KCNMB2: variants seen among roughly 807,000 people sequenced by gnomAD.
KCNMB2 encodes the protein calcium-activated potassium channel subunit beta-2.
Under a neutral mutation model 24.5 loss-of-function variants are expected in KCNMB2, and 9 were observed. The ratio of observed to expected loss-of-function variants is 0.37; its 90% confidence interval spans 0.22 to 0.64. The LOEUF (loss-of-function observed/expected upper bound fraction) is 0.64, where lower values mean the gene tolerates loss of function less well. Ranked by LOEUF, KCNMB2 falls within the 30% of genes least tolerant of loss-of-function variation. KCNMB2 has a pLI of 0.63. For missense variants in KCNMB2, 226 were observed against 284.3 expected, an observed-to-expected ratio of 0.79 and a Z score of 1.47; for synonymous variants, 109 against 104.4, an observed-to-expected ratio of 1.04 and a Z score of -0.27.
chr3:178,568,894 AGATAGATG>A (rs779149808), intron 1 of KCNMB2, among the ~76,000 whole-genome samples: 6,042 of 127,160 alleles, frequency 0.048, 160 homozygotes, highest in Middle Eastern at 0.083. Context: ...ATAGATAGAT[AGATAGATG>A]GATAGATAGA....
intron 1 of KCNMB2, among the ~76,000 whole-genome samples, chr3:178,806,649 C>G (rs1330475422): frequency 9.9e-5 from 15 of 150,886 alleles, no homozygotes. Context: ...TAGTGCTGTG[C>G]TTAGAGAGGA....
chr3:178,563,285 A>G (rs1716389638), intron 1 of KCNMB2, among the ~76,000 whole-genome samples: 1 of 152,262 alleles, frequency 6.6e-6, no homozygotes. Flanking sequence ...AAGCACCTAA[A>G]GTAGTATCTG....
chr3:178,672,040 G>A (rs1047097717), intron 1 of KCNMB2, among the ~76,000 whole-genome samples: 3 of 152,072 alleles, frequency 2.0e-5, no homozygotes, highest in Non-Finnish European at 2.9e-5. Flanking sequence ...CAAACTACTG[G>A]AGACTCTTGG....
At chr3:178,571,447 G>GATATATAT (rs71181237) in intron 1 of KCNMB2, among the ~76,000 whole-genome samples, 1,493 of 90,474 alleles carry the variant, frequency 0.017, 37 homozygotes, top group Non-Finnish European at 0.022. Context: ...TTTCCTTATG[G>GATATATAT]ATATATATAT....
At chr3:178,793,274 A>G (rs1371426520) in intron 1 of KCNMB2, among the ~76,000 whole-genome samples, 2 of 152,220 alleles carry the variant, frequency 1.3e-5, no homozygotes, top group African/African-American at 4.8e-5. Context: ...AATTGCAGAC[A>G]GTTGATGATG....
intron 1 of KCNMB2, among the ~76,000 whole-genome samples, chr3:178,677,475 C>T (rs77373434): frequency 0.016 from 2,423 of 152,290 alleles, 68 homozygotes; most frequent in African/African-American, 0.056. Context: ...CTCTCTTCAT[C>T]GTCAGCCCTC....
At chr3:178,659,952 A>C (rs756439295) in intron 1 of KCNMB2, among the ~76,000 whole-genome samples, 4 of 152,164 alleles carry the variant, frequency 2.6e-5, no homozygotes, top group Non-Finnish European at 5.9e-5. Context: ...CAGCAAATGG[A>C]AAATGGTGTT....
At chr3:178,821,483 TG>T (rs753647845) in intron 2 of KCNMB2, among the ~76,000 whole-genome samples, 9 of 152,046 alleles carry the variant, frequency 5.9e-5, no homozygotes, top group African/African-American at 1.2e-4. Flanking sequence ...TGATAATTTT[TG>T]TTTTACAAAA....
At chr3:178,808,842 C>T (rs1430456826) in intron 2 of KCNMB2, among the ~76,000 whole-genome samples, 1 of 152,090 alleles carries the variant, frequency 6.6e-6, no homozygotes, top group Non-Finnish European at 1.5e-5. Flanking sequence ...GCTCTGCTTT[C>T]CAAATGCTTT....
chr3:178,768,421 TA>T (rs1712211454), intron 1 of KCNMB2, among the ~76,000 whole-genome samples: 1 of 152,166 alleles, frequency 6.6e-6, no homozygotes, highest in African/African-American at 2.4e-5. Flanking sequence ...AAGTGAAGAC[TA>T]TACATGATAA....
At chr3:178,822,839 C>G (rs777295311) in intron 2 of KCNMB2, among the ~76,000 whole-genome samples, 3 of 152,214 alleles carry the variant, frequency 2.0e-5, no homozygotes, top group African/African-American at 2.4e-5. Flanking sequence ...ACTGATTACA[C>G]TTCTTCTCTT....
chr3:178,537,497 C>G (rs1715449657), intron 1 of KCNMB2: 1 of 152,184 alleles, frequency 6.6e-6, no homozygotes, highest in South Asian at 2.1e-4. Context: ...ACACAATTCT[C>G]CTTCAAAGAT....
chr3:178,770,265 C>G (rs1251451768), intron 1 of KCNMB2, among the ~76,000 whole-genome samples: 1 of 152,176 alleles, frequency 6.6e-6, no homozygotes, highest in Non-Finnish European at 1.5e-5. Context: ...CAAGACAGGG[C>G]CCATATTCTC....
At chr3:178,647,955 TATAA>T (rs557326009) in intron 1 of KCNMB2, among the ~76,000 whole-genome samples, 269 of 152,226 alleles carry the variant, frequency 1.8e-3, no homozygotes, top group Non-Finnish European at 2.5e-3. Flanking sequence ...TATAATTATA[TATAA>T]ATAATTAATT....
intron 1 of KCNMB2, among the ~76,000 whole-genome samples, chr3:178,578,957 C>T (rs549579903): frequency 2.6e-5 from 4 of 152,214 alleles, no homozygotes; most frequent in African/African-American, 9.6e-5. Flanking sequence ...CAATATTAGA[C>T]AGATCAATGA....
Position 178,584,460 on chromosome 3 carries a change from T to A in KCNMB2, c.-68+47749T>A, listed in dbSNP as rs186236656. The stretch of plus-strand genomic sequence containing the variant: ...CCCTCCCTCTCCAAAAGAAAAAGTT[T>A]GTATGAAATAGTACTTACCTCACAG... On this transcript the variant is annotated intron_variant, in intron 1 of 4. Transcript: ENST00000452583. Among the ~76,000 whole-genome samples, 88 of 152,144 alleles carry A rather than the reference T, an allele frequency of 5.8e-4. 1 individual carries two copies. In the East Asian group the frequency reaches 9.9e-3, roughly 17 times the overall value.
intron 1 of KCNMB2, among the ~76,000 whole-genome samples, chr3:178,686,006 C>T (rs1350227331): frequency 1.3e-5 from 2 of 152,010 alleles, no homozygotes; most frequent in Non-Finnish European, 2.9e-5. Context: ...TTTTTAGAAA[C>T]TCTAGTATTC....
chr3:178,538,684 G>A (rs1460471725), intron 1 of KCNMB2, among the ~76,000 whole-genome samples: 1 of 152,116 alleles, frequency 6.6e-6, no homozygotes, highest in Non-Finnish European at 1.5e-5. Flanking sequence ...AATTTTCACA[G>A]ATTGATGAGG....
chr3:178,781,437 C>A (rs1293082053), intron 1 of KCNMB2, among the ~76,000 whole-genome samples: 2 of 151,562 alleles, frequency 1.3e-5, no homozygotes, highest in Non-Finnish European at 2.9e-5. Context: ...ACTAAAAATA[C>A]AAAAATCAGC....
Sources: allele counts gnomAD v4.1 joint callset (sites outside exome capture counted in the v4.1 genomes callset), GRCh38; gene constraint gnomAD v4.1.1; transcripts MANE v1.5; gene names NCBI Gene and HGNC (gene_info 2026-07-23, HGNC 2026-07-21).